Variants in ITPKB observed in about 807,000 individuals in gnomAD.
ITPKB encodes IP3 3-kinase B.
Under a neutral mutation model 69.4 loss-of-function variants are expected in ITPKB, and 13 were observed. That is an observed-to-expected ratio of 0.19 (90% CI 0.12 to 0.30). ITPKB has a LOEUF of 0.30. ITPKB is among the 10% of genes least tolerant of loss of function. ITPKB has a pLI of 1.00. For synonymous variants in ITPKB, 584 were observed against 513.7 expected, an observed-to-expected ratio of 1.14 and a Z score of -1.85; for missense variants, 1,240 against 1,250.5, an observed-to-expected ratio of 0.99 and a Z score of 0.13.
At chr1:226,717,550 G>A (rs1657125194) in intron 2 of ITPKB, among the ~76,000 whole-genome samples, 1 of 152,158 alleles carries the variant, frequency 6.6e-6, no homozygotes, top group Non-Finnish European at 1.5e-5. Flanking sequence ...CCCAGAGGGA[G>A]GTGGCAAGGA....
chr1:226,648,545 T>G (rs561645015), intron 3 of ITPKB, 127 bp downstream of exon 3: 5 of 701,460 alleles, frequency 7.1e-6, no homozygotes, highest in African/African-American at 1.8e-5. Context: ...AGTGTGGCTG[T>G]GATTTCAGAC....
intron 2 of ITPKB, among the ~76,000 whole-genome samples, chr1:226,698,011 G>C (rs943104728): frequency 2.6e-5 from 4 of 152,192 alleles, no homozygotes; most frequent in Non-Finnish European, 4.4e-5. Flanking sequence ...CTCCCCCCGG[G>C]GCAGAACAGC....
chr1:226,699,516 C>G (rs1257441277), intron 2 of ITPKB, among the ~76,000 whole-genome samples: 5 of 152,232 alleles, frequency 3.3e-5, no homozygotes, highest in Non-Finnish European at 5.9e-5. Flanking sequence ...GTTTCCTCAT[C>G]TGCAAAATAG....
intron 4 of ITPKB, 69 bp downstream of exon 4, chr1:226,647,098 G>A (rs1669077759): frequency 6.9e-7 from 1 of 1,450,262 alleles, no homozygotes; most frequent in African/African-American, 1.4e-5. Flanking sequence ...AGCCCTGAGT[G>A]CCACGCTGTG....
intron 3 of ITPKB, among the ~76,000 whole-genome samples, chr1:226,648,062 T>G (rs1186937925): frequency 1.3e-5 from 2 of 152,216 alleles, no homozygotes; most frequent in Non-Finnish European, 2.9e-5. Context: ...ACATGTGGGC[T>G]AGATGGCTCT....
chr1:226,701,581 G>T (rs1173131733), intron 2 of ITPKB, among the ~76,000 whole-genome samples: 1 of 137,354 alleles, frequency 7.3e-6, no homozygotes, highest in East Asian at 2.2e-4. Context: ...TCCAGCTTGG[G>T]CGAAAGAGTG....
intron 2 of ITPKB, among the ~76,000 whole-genome samples, chr1:226,660,305 C>T (rs756299407): frequency 3.9e-5 from 6 of 152,212 alleles, no homozygotes; most frequent in Non-Finnish European, 5.9e-5. Context: ...GCAAAGAATG[C>T]TCTTCCTTAG....
At position 226,636,648 on chromosome 1, in the gene ITPKB, G is replaced by A. The variant is rs147287576; in HGVS notation, c.2625+1031C>T. Among the ~76,000 whole-genome samples the A allele has an allele frequency of 4.6e-3, 696 of 152,262 alleles. 6 individuals are homozygous for A. Among genetic ancestry groups the A allele is most frequent in the African/African-American group, 0.016 (652 of 41,556 alleles). The stretch of plus-strand genomic sequence containing the variant: ...AGGACCTCCACAAGAGAGTCCCTAC[G>A]AGAGGGGCTGCTTTCCTGAACTACC... On this transcript the variant is annotated intron_variant, in intron 7 of 7. Coordinates refer to ENST00000429204, the MANE Select transcript of ITPKB (RefSeq NM_002221.4).
intron 2 of ITPKB, among the ~76,000 whole-genome samples, chr1:226,706,589 A>C (rs1656806106): frequency 6.6e-6 from 1 of 152,204 alleles, no homozygotes; most frequent in Non-Finnish European, 1.5e-5. Flanking sequence ...TAAGACCCAA[A>C]AGGGGTTAAA....
At chr1:226,643,479 C>T (rs1347583587) in intron 4 of ITPKB, among the ~76,000 whole-genome samples, 3 of 152,194 alleles carry the variant, frequency 2.0e-5, no homozygotes, top group Non-Finnish European at 2.9e-5. Flanking sequence ...ACAGAGGCCC[C>T]GCCCGCCTGC....
At chr1:226,687,726 G>A (rs1436290875) in intron 2 of ITPKB, among the ~76,000 whole-genome samples, 1 of 152,196 alleles carries the variant, frequency 6.6e-6, no homozygotes, top group African/African-American at 2.4e-5. Context: ...TGGCACAGAG[G>A]GGCCACACAG....
In ITPKB at chr1:226,686,723, T is replaced by C. The variant is rs999272994; in HGVS notation, c.1933-37952A>G. Among the ~76,000 whole-genome samples the C allele has an allele frequency of 2.6e-5, 4 of 152,358 alleles. No individual in the cohort carries two copies. In the South Asian group the frequency reaches 8.3e-4, roughly 32 times the overall value. On this transcript the variant is annotated intron_variant, in intron 2 of 7. Coordinates refer to ENST00000429204, the MANE Select transcript of ITPKB (RefSeq NM_002221.4). Reference sequence around the variant, plus strand: ...ATCTGGATTCTTTCATGAAAGATCATGTGTAGCTGTGCACAATGTCGAAAA... The same window carrying C: ...ATCTGGATTCTTTCATGAAAGATCACGTGTAGCTGTGCACAATGTCGAAAA...
intron 4 of ITPKB, among the ~76,000 whole-genome samples, chr1:226,645,663 TG>T (rs1284270904): frequency 2.0e-5 from 3 of 152,122 alleles, no homozygotes; most frequent in Admixed American, 6.5e-5. Context: ...GGGCCTCCCC[TG>T]AGAGGACACA....
chr1:226,711,931 G>C (rs60541195), intron 2 of ITPKB, among the ~76,000 whole-genome samples: 4,268 of 152,226 alleles, frequency 0.028, 199 homozygotes, highest in African/African-American at 0.098. Context: ...CATTTGCCTG[G>C]ACATTTTTAT....
At chr1:226,702,721 G>A (rs1367476874) in intron 2 of ITPKB, among the ~76,000 whole-genome samples, 1 of 152,208 alleles carries the variant, frequency 6.6e-6, no homozygotes, top group African/African-American at 2.4e-5. Context: ...CATTTTGTCA[G>A]TCTAGGACCT....
rs1657842492 is a variant in ITPKB at position 226,737,681 on chromosome 1, GA to G, written c.-205-19del. The G allele has an allele frequency of 1.5e-5, 14 of 940,924 alleles. No individual in the cohort carries two copies. The highest frequency in any genetic ancestry group is 1.8e-5 in the Non-Finnish European group (14 of 767,542). The allele number at this position is 940,924 out of a possible 1,614,324, so 58.3% of individuals were successfully genotyped here. A position where few individuals can be genotyped will look rare whatever the true frequency, so the allele number is the denominator to read the frequency against. ...CCGTGCGGCTGTGGAGATACAAGGA[GA>G]AAAGTCAGGACCCTGGAGGGCGCGC... On this transcript the variant is annotated intron_variant, in intron 1 of 7. Transcript: ENST00000429204.
At chr1:226,737,725 G>T in intron 1 of ITPKB, 62 bp from the exon 2 acceptor site, 1 of 383,664 alleles carries the variant, frequency 2.6e-6, no homozygotes, top group Non-Finnish European at 3.7e-6. Flanking sequence ...GTTGGGGGTC[G>T]CCTGCAGAAC....
Position 226,642,017 on chromosome 1 carries a change from T to C in ITPKB, c.2355A>G (p.Glu785=). The C allele has an allele frequency of 3.7e-6, 6 of 1,614,218 alleles. 1 individual carries two copies. In the South Asian group the frequency reaches 5.5e-5, roughly 15 times the overall value. ...GCTTGGTCACAGCCCGCTGTGCTTT[T>C]TCCTCCTCGGTGGGGGCCTCGGGGT... ...EVDPEAPTEE[E]KAQRAVTKPR... The change falls in exon 5 of 8, where the codon GAA becomes GAG. Residue 785 remains glutamate, a synonymous_variant. Transcript: ENST00000429204. This position sits in a 1 kb window ranked among gnomAD's most constrained non-coding sequence, Gnocchi z 6.4.
At chr1:226,711,127 A>C (rs899940348) in intron 2 of ITPKB, among the ~76,000 whole-genome samples, 3 of 152,202 alleles carry the variant, frequency 2.0e-5, no homozygotes, top group Non-Finnish European at 4.4e-5. Flanking sequence ...AAAATGCACA[A>C]GATTCTCCAA....
Sources: allele counts gnomAD v4.1 joint callset (sites outside exome capture counted in the v4.1 genomes callset), GRCh38; gene constraint gnomAD v4.1.1; non-coding constraint Gnocchi (gnomAD v3.1); transcripts MANE v1.5; gene names NCBI Gene and HGNC (gene_info 2026-07-23, HGNC 2026-07-21).